The following SMCO4 variants were observed in gnomAD, a reference collection of about 807,000 sequenced individuals.
The protein encoded by SMCO4 is single-pass membrane and coiled-coil domain-containing protein 4.
SMCO4 carries 4 observed loss-of-function variants against 3.6 expected under a neutral mutation model. That is an observed-to-expected ratio of 1.11 (90% CI 0.54 to 2.53). The LOEUF is 2.53. SMCO4 is among the 30% of genes most tolerant of loss of function. The pLI, the probability that SMCO4 is intolerant of heterozygous loss-of-function variation, is 0.02. For missense variants in SMCO4, 70 were observed against 80.8 expected (o/e 0.87, Z 0.51); for synonymous variants, 36 against 35.3 (o/e 1.02, Z -0.07).
rs546492178 is a variant in SMCO4, at chr11:93,488,213, A to T, written c.-80-8944T>A. On this transcript the variant is annotated intron_variant, in intron 2 of 2. Coordinates refer to ENST00000298966, the MANE Select transcript of SMCO4 (RefSeq NM_020179.3). ...CTTCCAGGCAGGGCAGGACCCATGC[A>T]CAGACCCTCAGGCGGGGCATCCCTT... Among the ~76,000 whole-genome samples, 130 of 152,356 alleles carry T rather than the reference A, an allele frequency of 8.5e-4. 1 individual carries two copies. Among genetic ancestry groups the T allele is most frequent in the Middle Eastern group, 6.8e-3 (2 of 294 alleles).
chr11:93,502,181 G>A (rs1256406483), intron 1 of SMCO4, among the ~76,000 whole-genome samples: 1 of 152,092 alleles, frequency 6.6e-6, no homozygotes, highest in East Asian at 1.9e-4. Flanking sequence ...ACATTAATCT[G>A]TTTTCTGTTC....
At chr11:93,491,142 T>C (rs1245906409) in intron 2 of SMCO4, among the ~76,000 whole-genome samples, 4 of 152,226 alleles carry the variant, frequency 2.6e-5, no homozygotes, top group East Asian at 3.9e-4. Context: ...GTACTAAAAG[T>C]AAGCATGGCT....
chr11:93,497,912 C>T (rs1948793820), intron 2 of SMCO4, among the ~76,000 whole-genome samples: 1 of 152,114 alleles, frequency 6.6e-6, no homozygotes, highest in South Asian at 2.1e-4. Flanking sequence ...ATGATGGTGA[C>T]CAATTAAACT....
intron 2 of SMCO4, chr11:93,481,556 TCAGA>T (rs1218830256): frequency 3.1e-6 from 3 of 978,114 alleles, no homozygotes; most frequent in African/African-American, 1.8e-5. Flanking sequence ...GCCCTGTGAG[TCAGA>T]CAGACAGGCT....
intron 1 of SMCO4, among the ~76,000 whole-genome samples, chr11:93,521,617 C>T (rs138267899): frequency 3.5e-4 from 53 of 152,334 alleles, no homozygotes; most frequent in Admixed American, 1.3e-3. Context: ...TGTCTTTCTG[C>T]TTTCCTCATT....
At chr11:93,479,370 A>T in intron 2 of SMCO4, 101 bp from the exon 3 acceptor site, 1 of 1,163,830 alleles carries the variant, frequency 8.6e-7, no homozygotes, top group African/African-American at 1.5e-5. Flanking sequence ...TCTGCAACTT[A>T]CATGACAAAG....
At chr11:93,541,741 TTTG>T (rs1949272960) in intron 1 of SMCO4, among the ~76,000 whole-genome samples, 1 of 152,222 alleles carries the variant, frequency 6.6e-6, no homozygotes, top group Non-Finnish European at 1.5e-5. Flanking sequence ...CTATTAGTTT[TTTG>T]TTGTTTTGCT....
intron 2 of SMCO4, among the ~76,000 whole-genome samples, chr11:93,492,994 G>A (rs1312471155): frequency 6.6e-6 from 1 of 152,200 alleles, no homozygotes; most frequent in Non-Finnish European, 1.5e-5. Context: ...TTTTAGGGTA[G>A]GAGAAAGGGA....
Position 93,479,026 on chromosome 11 carries a change from G to T in SMCO4, c.164C>A (p.Pro55His). The T allele has an allele frequency of 6.2e-7, 1 of 1,607,894 alleles. No individual in the cohort carries two copies. The highest frequency in any genetic ancestry group is 1.1e-5 in the South Asian group (1 of 90,916). The change falls in exon 3 of 3, where the codon CCC becomes CAC. Residue 55 changes from proline (P) to histidine (H), a missense_variant. Transcript: ENST00000298966. ...IVVFVYVATR[P>H]TITE ...CTGCGGGGCTCACTCGGTGATGGTG[G>T]GGCGCGTGGCCACGTACACAAACAC...
At chr11:93,486,779 C>T (rs1948655198) in intron 2 of SMCO4, among the ~76,000 whole-genome samples, 1 of 152,184 alleles carries the variant, frequency 6.6e-6, no homozygotes, top group South Asian at 2.1e-4. Flanking sequence ...CATTACACCC[C>T]ACTGTACAAC....
rs1187394758 is a variant in SMCO4 at position 93,496,405 on chromosome 11, A to T, written c.-81+2871T>A. Among the ~76,000 whole-genome samples the T allele has an allele frequency of 2.0e-5, 3 of 152,180 alleles. No homozygotes were observed. In the East Asian group the frequency reaches 5.8e-4, roughly 29 times the overall value. ...AGTGAGTTAACAACTACGTACCTTA[A>T]TAAGATGGGGGAAGGGAGGAGGCCT... On this transcript the variant is annotated intron_variant, in intron 2 of 2. Coordinates refer to ENST00000298966, the MANE Select transcript of SMCO4 (RefSeq NM_020179.3).
intron 1 of SMCO4, among the ~76,000 whole-genome samples, chr11:93,512,188 G>A (rs1299928407): frequency 6.6e-6 from 1 of 152,172 alleles, no homozygotes; most frequent in Non-Finnish European, 1.5e-5. Flanking sequence ...CATGTATGAG[G>A]TTAAATGAGG....
At chr11:93,501,148 G>A (rs1291487829) in intron 1 of SMCO4, among the ~76,000 whole-genome samples, 1 of 152,174 alleles carries the variant, frequency 6.6e-6, no homozygotes, top group Non-Finnish European at 1.5e-5. Flanking sequence ...TAGATCAGTG[G>A]TACTCAACAG....
At chr11:93,533,669 G>A (rs746142447) in intron 1 of SMCO4, among the ~76,000 whole-genome samples, 10 of 152,128 alleles carry the variant, frequency 6.6e-5, no homozygotes, top group Non-Finnish European at 1.3e-4. Flanking sequence ...CACAAAGGAG[G>A]GGATTCTGCA....
Position 93,483,261 on chromosome 11 carries a change from C to G in SMCO4, c.-80-3992G>C, listed in dbSNP as rs565497969. Among the ~76,000 whole-genome samples the G allele has an allele frequency of 9.2e-4, 140 of 152,254 alleles. 2 individuals are homozygous for G. The highest frequency in any genetic ancestry group is 6.2e-3 in the South Asian group (30 of 4,822). ...CTTTTGGAGGGTGGAAAGGCCACCA[C>G]AGAGCACTGTCCATGCCCGCCTCCC... On this transcript the variant is annotated intron_variant, in intron 2 of 2. Coordinates refer to ENST00000298966, the MANE Select transcript of SMCO4 (RefSeq NM_020179.3).
chr11:93,481,265 T>C lies in SMCO4; in HGVS notation c.-80-1996A>G, dbSNP rs1231890974. ...AATGAGAACAGCTTGTCTTAAAGGA[T>C]GACTGTGAGAATCTGGAAAACAAAT... On this transcript the variant is annotated intron_variant, in intron 2 of 2. Coordinates refer to ENST00000298966, the MANE Select transcript of SMCO4 (RefSeq NM_020179.3). 1.3e-5 allele frequency among the ~76,000 whole-genome samples: 2 copies of C among 152,244 alleles called. 1 individual carries two copies. Among genetic ancestry groups the C allele is most frequent in the Admixed American group, 1.3e-4 (2 of 15,286 alleles).
At chr11:93,538,573 C>T (rs868376489) in intron 1 of SMCO4, among the ~76,000 whole-genome samples, 25 of 152,310 alleles carry the variant, frequency 1.6e-4, no homozygotes, top group Middle Eastern at 3.4e-3. Context: ...AAGGCCCTTT[C>T]GGACTGTGCT....
chr11:93,487,190 A>T (rs1049777916), intron 2 of SMCO4, among the ~76,000 whole-genome samples: 1 of 152,216 alleles, frequency 6.6e-6, no homozygotes, highest in African/African-American at 2.4e-5. Context: ...GTATTTAGCC[A>T]TAACGGGCCT....
At chr11:93,523,575 C>G (rs965992307) in intron 1 of SMCO4, among the ~76,000 whole-genome samples, 8 of 152,074 alleles carry the variant, frequency 5.3e-5, no homozygotes, top group Non-Finnish European at 8.8e-5. Flanking sequence ...AGGAGAATCG[C>G]CTGAGCCTGG....
Sources: gnomAD v4.1 joint callset for allele counts (sites outside exome capture counted in the v4.1 genomes callset) on GRCh38, gnomAD v4.1.1 for gene constraint, MANE v1.5 for transcripts, NCBI Gene and HGNC (gene_info 2026-07-23, HGNC 2026-07-21) for gene names.